Variants in ZNF385B observed in about 807,000 individuals in gnomAD.
ZNF385B encodes the protein zinc finger protein 385B.
Under a neutral mutation model 39.2 loss-of-function variants are expected in ZNF385B, and 23 were observed. The observed-to-expected ratio is 0.59, with a 90% CI of 0.42 to 0.83. The LOEUF (loss-of-function observed/expected upper bound fraction) is 0.83, where lower values mean the gene tolerates loss of function less well. ZNF385B is among the 40% of genes least tolerant of loss of function. The pLI is 0.00. For missense variants in ZNF385B, 552 were observed against 598.9 expected, an observed-to-expected ratio of 0.92 and a Z score of 0.82; for synonymous variants, 205 against 222.6, an observed-to-expected ratio of 0.92 and a Z score of 0.70.
intron 1 of ZNF385B, among the ~76,000 whole-genome samples, chr2:179,836,950 C>A (rs1708288034): frequency 6.6e-6 from 1 of 152,140 alleles, no homozygotes; most frequent in African/African-American, 2.4e-5. Flanking sequence ...CAGTCACCAG[C>A]CAGAGAAAAG....
intron 6 of ZNF385B, 120 bp downstream of exon 6, chr2:179,483,149 ATAT>A (rs1388211820): frequency 9.3e-7 from 1 of 1,072,854 alleles, no homozygotes; most frequent in Non-Finnish European, 1.3e-6. Context: ...TGAAGAAAAC[ATAT>A]TAATATCACA....
rs558655529 is a variant in ZNF385B at position 179,593,398 on chromosome 2, A to G, written c.299-48429T>C. On this transcript the variant is annotated intron_variant, in intron 3 of 9. Coordinates refer to ENST00000410066, the MANE Select transcript of ZNF385B (RefSeq NM_152520.6). ...TAAAAAGCCACAAGGAATACGTTTG[A>G]TGAAATCTCCATTTATATTTCTGAA... 7.2e-5 allele frequency among the ~76,000 whole-genome samples: 11 copies of G among 152,278 alleles called. No individual in the cohort carries two copies. The East Asian group carries it at 2.1e-3, about 29-fold the overall frequency.
At chr2:179,859,125 C>A (rs1010035588) in intron 1 of ZNF385B, among the ~76,000 whole-genome samples, 1 of 152,086 alleles carries the variant, frequency 6.6e-6, no homozygotes, top group Non-Finnish European at 1.5e-5. Flanking sequence ...TTTGATCGAT[C>A]CTCATTTAAT....
intron 3 of ZNF385B, among the ~76,000 whole-genome samples, chr2:179,677,228 C>T (rs1696959242): frequency 6.6e-6 from 1 of 152,196 alleles, no homozygotes; most frequent in African/African-American, 2.4e-5. Context: ...TTAGTTTATA[C>T]TCTTAGTGCA....
intron 4 of ZNF385B, among the ~76,000 whole-genome samples, chr2:179,533,301 C>T (rs997684310): frequency 2.0e-5 from 3 of 152,124 alleles, no homozygotes; most frequent in African/African-American, 4.8e-5. Context: ...GTTTTACTCC[C>T]CCCACCACCT....
At chr2:179,540,234 G>T (rs995682084) in intron 4 of ZNF385B, among the ~76,000 whole-genome samples, 1 of 152,098 alleles carries the variant, frequency 6.6e-6, no homozygotes, top group Non-Finnish European at 1.5e-5. Flanking sequence ...ATCACCTGAG[G>T]TTGGGAGTTG....
intron 6 of ZNF385B, among the ~76,000 whole-genome samples, chr2:179,478,216 A>G (rs1048052991): frequency 1.3e-5 from 2 of 152,202 alleles, no homozygotes; most frequent in Admixed American, 6.5e-5. Flanking sequence ...TGATGACTAC[A>G]TATTATTTCT....
At chr2:179,798,565 GGA>G (rs1213531639) in intron 1 of ZNF385B, among the ~76,000 whole-genome samples, 1 of 152,000 alleles carries the variant, frequency 6.6e-6, no homozygotes, top group East Asian at 1.9e-4. Context: ...CAGTATGCAA[GGA>G]CACAAACATA....
rs1704035080 is a variant in ZNF385B at position 179,771,921 on chromosome 2, T to C, written c.-154-1249A>G. ...GCCAGGCACCATCGTACTCAATCATTGAAACCTAAGCTTATATTTCAACTC... is the reference window on the plus strand; with the variant it reads ...GCCAGGCACCATCGTACTCAATCATCGAAACCTAAGCTTATATTTCAACTC... On this transcript the variant is annotated intron_variant, in intron 1 of 9. Coordinates refer to ENST00000410066, the MANE Select transcript of ZNF385B (RefSeq NM_152520.6). Among the ~76,000 whole-genome samples the C allele has an allele frequency of 2.0e-5, 3 of 152,182 alleles. No individual in the cohort carries two copies. The South Asian group carries it at 6.2e-4, about 32-fold the overall frequency.
chr2:179,469,581 C>T (rs1194618438), intron 6 of ZNF385B, among the ~76,000 whole-genome samples: 1 of 152,026 alleles, frequency 6.6e-6, no homozygotes, highest in Non-Finnish European at 1.5e-5. Context: ...ACAAATTGGC[C>T]GACTTTGGGT....
intron 3 of ZNF385B, among the ~76,000 whole-genome samples, chr2:179,684,289 T>C (rs931327292): frequency 6.6e-6 from 1 of 152,248 alleles, no homozygotes; most frequent in African/African-American, 2.4e-5. Context: ...TTTAGCTTGT[T>C]GGTGAACCAC....
In ZNF385B at chr2:179,560,599, T is replaced by C. The variant is rs917740537; in HGVS notation, c.299-15630A>G. 2.6e-5 allele frequency among the ~76,000 whole-genome samples: 4 copies of C among 152,288 alleles called. No individual in the cohort carries two copies. The East Asian group carries it at 5.8e-4, about 22-fold the overall frequency. ...TAACTCTCTCTAATCACTGTTTCCATAGTCTCCCTCTTTCCCACCTGTCTT... is the reference window on the plus strand; with the variant it reads ...TAACTCTCTCTAATCACTGTTTCCACAGTCTCCCTCTTTCCCACCTGTCTT... On this transcript the variant is annotated intron_variant, in intron 3 of 9. Coordinates refer to ENST00000410066, the MANE Select transcript of ZNF385B (RefSeq NM_152520.6).
In ZNF385B at chr2:179,769,695, C is replaced by T; in HGVS notation, c.106G>A (p.Glu36Lys). Reference protein sequence around the residue: ...EEKGIKNDRPEDQLSKEKKKI... With the variant: ...EEKGIKNDRPKDQLSKEKKKI... ...TTTTTCTCTTTGCTCAACTGGTCCTCAGGCCTGTCGTTCTTTATCCCCTTT... is the reference window on the plus strand; with the variant it reads ...TTTTTCTCTTTGCTCAACTGGTCCTTAGGCCTGTCGTTCTTTATCCCCTTT... Residue 36 changes from glutamate (E) to lysine (K), a missense_variant, in exon 3 of 10, where the codon GAG becomes AAG. Coordinates refer to ENST00000410066, the MANE Select transcript of ZNF385B (RefSeq NM_152520.6). 6.2e-7 allele frequency: 1 copy of T among 1,614,210 alleles called. No homozygotes were observed. The highest frequency in any genetic ancestry group is 8.5e-7 in the Non-Finnish European group (1 of 1,180,038).
At chr2:179,515,848 T>C (rs939780449) in intron 5 of ZNF385B, among the ~76,000 whole-genome samples, 3 of 152,164 alleles carry the variant, frequency 2.0e-5, no homozygotes, top group Admixed American at 6.5e-5. Context: ...AAGACTGTCA[T>C]GTAAACATCA....
chr2:179,769,117 T>A (rs1703867007), intron 3 of ZNF385B, among the ~76,000 whole-genome samples: 1 of 152,222 alleles, frequency 6.6e-6, no homozygotes, highest in Non-Finnish European at 1.5e-5. Flanking sequence ...TCAAGTGGTA[T>A]GCCACCCAAT....
At chr2:179,751,401 G>A (rs62181526) in intron 3 of ZNF385B, among the ~76,000 whole-genome samples, 20,914 of 152,100 alleles carry the variant, frequency 0.14, 1,618 homozygotes, top group Non-Finnish European at 0.18. Context: ...TGGTAATTCT[G>A]TGGTATCGCG....
intron 3 of ZNF385B, among the ~76,000 whole-genome samples, chr2:179,566,541 T>A (rs1684598915): frequency 1.3e-5 from 2 of 152,362 alleles, no homozygotes; most frequent in African/African-American, 4.8e-5. Context: ...AACTTAGTTG[T>A]GTATTCGAAT....
chr2:179,731,204 A>C (rs961556930), intron 3 of ZNF385B, among the ~76,000 whole-genome samples: 2 of 152,196 alleles, frequency 1.3e-5, no homozygotes, highest in African/African-American at 4.8e-5. Flanking sequence ...TTTTTCCCAC[A>C]ATTACCACGT....
intron 1 of ZNF385B, among the ~76,000 whole-genome samples, chr2:179,843,166 C>G (rs1183347464): frequency 6.6e-6 from 1 of 152,200 alleles, no homozygotes; most frequent in Non-Finnish European, 1.5e-5. Context: ...AGAATCCCCT[C>G]AAGGGGCCTC....
Sources: allele counts gnomAD v4.1 joint callset (sites outside exome capture counted in the v4.1 genomes callset), GRCh38; gene constraint gnomAD v4.1.1; transcripts MANE v1.5; gene names NCBI Gene and HGNC (gene_info 2026-07-23, HGNC 2026-07-21).